Variants in RIMS1 observed in about 807,000 individuals in gnomAD.
RIMS1 encodes regulating synaptic membrane exocytosis protein 1.
In RIMS1, 83 loss-of-function variants were observed where a neutral mutation model predicts 214.1. The observed-to-expected ratio is 0.39, with a 90% CI of 0.32 to 0.47. The LOEUF (loss-of-function observed/expected upper bound fraction) is 0.47, where lower values mean the gene tolerates loss of function less well. Ranked by LOEUF, RIMS1 falls within the 20% of genes least tolerant of loss-of-function variation. The pLI, the probability that RIMS1 is intolerant of heterozygous loss-of-function variation, is 0.99. For missense variants in RIMS1, 2,050 were observed against 2,161.8 expected, an observed-to-expected ratio of 0.95 and a Z score of 1.03; for synonymous variants, 793 against 786.8, an observed-to-expected ratio of 1.01 and a Z score of -0.13.
chr6:72,059,257 C>T (rs575189921), intron 2 of RIMS1, among the ~76,000 whole-genome samples: 4 of 152,252 alleles, frequency 2.6e-5, no homozygotes, highest in Admixed American at 1.3e-4. Flanking sequence ...GACAGGCTCT[C>T]GCTCTGTTGC....
At chr6:72,217,397 T>A (rs2056625670) in intron 6 of RIMS1, among the ~76,000 whole-genome samples, 1 of 152,220 alleles carries the variant, frequency 6.6e-6, no homozygotes, top group Admixed American at 6.5e-5. Flanking sequence ...AATTTTAGGA[T>A]GCAATAATGA....
At chr6:72,270,087 A>G (rs538459894) in intron 22 of RIMS1, among the ~76,000 whole-genome samples, 3 of 152,262 alleles carry the variant, frequency 2.0e-5, no homozygotes, top group Non-Finnish European at 4.4e-5. Flanking sequence ...GTCTTCCACT[A>G]TATTGTGATA....
intron 2 of RIMS1, among the ~76,000 whole-genome samples, chr6:71,983,368 C>T (rs2151501764): frequency 6.6e-6 from 1 of 151,868 alleles, no homozygotes; most frequent in Middle Eastern, 3.4e-3. Context: ...CTTTCTATTT[C>T]TCATTTAAAT....
intron 2 of RIMS1, among the ~76,000 whole-genome samples, chr6:72,035,786 G>A (rs537379167): frequency 2.6e-5 from 4 of 152,232 alleles, no homozygotes; most frequent in African/African-American, 9.6e-5. Flanking sequence ...TACCAGCAAA[G>A]TTTGGGATAT....
intron 26 of RIMS1, among the ~76,000 whole-genome samples, chr6:72,300,952 A>G (rs936035463): frequency 3.3e-5 from 5 of 151,752 alleles, no homozygotes; most frequent in African/African-American, 1.2e-4. Context: ...ACCTATGCCA[A>G]TGTTAAATTT....
intron 29 of RIMS1, among the ~76,000 whole-genome samples, chr6:72,371,790 CT>C (rs1202082450): frequency 1.3e-5 from 2 of 152,184 alleles, no homozygotes; most frequent in African/African-American, 2.4e-5. Context: ...AGGGGCAAAG[CT>C]TTTGGTAACT....
At chr6:72,397,932 A>G (rs2098798614) in intron 31 of RIMS1, among the ~76,000 whole-genome samples, 2 of 152,174 alleles carry the variant, frequency 1.3e-5, no homozygotes, top group Non-Finnish European at 2.9e-5. Flanking sequence ...TTTATTATAT[A>G]CTGGATGAAA....
intron 2 of RIMS1, among the ~76,000 whole-genome samples, chr6:72,001,318 A>G (rs1421203729): frequency 6.6e-6 from 1 of 152,142 alleles, no homozygotes; most frequent in Non-Finnish European, 1.5e-5. Context: ...TCCTGAAACG[A>G]ATTTTCCATT....
In RIMS1 at chr6:72,145,204, A is replaced by G. The variant is rs868685265; in HGVS notation, c.472-34371A>G. 3.6e-4 allele frequency among the ~76,000 whole-genome samples: 55 copies of G among 152,342 alleles called. 1 individual carries two copies. Among genetic ancestry groups the G allele is most frequent in the African/African-American group, 1.3e-3 (53 of 41,584 alleles). On this transcript the variant is annotated intron_variant, in intron 4 of 33. Transcript: ENST00000521978. ...TTCTGCTTCATAAGGAATCTCAGAT[A>G]AGACCTTTTAAAGCCAAGCCCAGCC... is the stretch of plus-strand genomic sequence containing the variant.
chr6:72,319,022 TA>T (rs2095996302), intron 28 of RIMS1, among the ~76,000 whole-genome samples: 1 of 151,614 alleles, frequency 6.6e-6, no homozygotes, highest in African/African-American at 2.4e-5. Flanking sequence ...TACCATTTTT[TA>T]AAATTTTTTT....
At chr6:72,058,224 C>T (rs913069265) in intron 2 of RIMS1, among the ~76,000 whole-genome samples, 2 of 152,228 alleles carry the variant, frequency 1.3e-5, no homozygotes, top group African/African-American at 4.8e-5. Flanking sequence ...ACTTACCTTA[C>T]TTTTGGGATT....
Position 72,183,008 on chromosome 6 carries a change from C to G in RIMS1, c.1537C>G (p.Pro513Ala). The change falls in exon 6 of 34, where the codon CCG becomes GCG. Residue 513 changes from proline (P) to alanine (A), a missense_variant. By Grantham distance (27) the Pro-to-Ala change is conservative (BLOSUM62 -1). This residue lies in a region of RIMS1 where 882 missense variants were observed against 828.9 expected (regional missense o/e 1.06). Transcript: ENST00000521978. ...SDQSESVRPS[P>A]PKPHRSKRGG... ...CCAGTCCGAGTCGGTGCGGCCGTCC[C>G]CGCCCAAGCCGCACCGGTCCAAGAG... The G allele has an allele frequency of 1.3e-6, 2 of 1,597,094 alleles. No individual in the cohort carries two copies.
intron 11 of RIMS1, among the ~76,000 whole-genome samples, chr6:72,246,558 A>G (rs2069848884): frequency 6.6e-6 from 1 of 152,184 alleles, no homozygotes; most frequent in Non-Finnish European, 1.5e-5. Flanking sequence ...ACCCAAGTTA[A>G]AGAAATAGAA....
chr6:72,341,350 G>C (rs2097085121), intron 29 of RIMS1, among the ~76,000 whole-genome samples: 1 of 151,750 alleles, frequency 6.6e-6, no homozygotes, highest in South Asian at 2.1e-4. Flanking sequence ...ATATGAGAAA[G>C]AAATCTGTGT....
chr6:72,261,994 A>T (rs978796357), intron 19 of RIMS1: 12 of 984,790 alleles, frequency 1.2e-5, no homozygotes, highest in African/African-American at 1.7e-5. Context: ...TTATTTACTA[A>T]TTCTGAAAGT....
chr6:72,053,545 AGTGTTTTT>A (rs764755062), intron 2 of RIMS1, among the ~76,000 whole-genome samples: 3 of 152,118 alleles, frequency 2.0e-5, no homozygotes, highest in Non-Finnish European at 4.4e-5. Context: ...ATCTACCTAG[AGTGTTTTT>A]GGCATCTGCT....
At chr6:72,162,455 G>A (rs1490136565) in intron 4 of RIMS1, among the ~76,000 whole-genome samples, 2 of 140,664 alleles carry the variant, frequency 1.4e-5, no homozygotes, top group Non-Finnish European at 3.2e-5. Context: ...TATTTTGCTT[G>A]TTAGTTGATG....
intron 6 of RIMS1, among the ~76,000 whole-genome samples, chr6:72,198,762 A>C (rs184929425): frequency 3.9e-5 from 6 of 151,986 alleles, no homozygotes; most frequent in African/African-American, 1.4e-4. Context: ...AAAATAGTAC[A>C]TGTACCTCAT....
At position 72,028,320 on chromosome 6, in the gene RIMS1, TAGA is replaced by T. The variant is rs1460618569; in HGVS notation, c.245+59258_245+59260del. 6.8e-3 allele frequency among the ~76,000 whole-genome samples: 1,036 copies of T among 152,318 alleles called. 8 individuals carry two copies. The highest frequency in any genetic ancestry group is 0.023 in the African/African-American group (976 of 41,574). On this transcript the variant is annotated intron_variant, in intron 2 of 33. Coordinates refer to ENST00000521978, the MANE Select transcript of RIMS1 (RefSeq NM_014989.7). ...TATGTTTGTTAAACTAGTAAATATA[TAGA>T]CCTAAGAAGTCTATGTAATTATTTG...
Sources: allele counts gnomAD v4.1 joint callset (sites outside exome capture counted in the v4.1 genomes callset), GRCh38; gene constraint gnomAD v4.1.1; regional missense constraint gnomAD v4.1.1; transcripts MANE v1.5; gene names NCBI Gene and HGNC (gene_info 2026-07-23, HGNC 2026-07-21).